NLRP5: variants seen among roughly 807,000 people sequenced by gnomAD.
NLRP5 encodes NLR family pyrin domain containing 5.
NLRP5 carries 93 observed loss-of-function variants against 113.1 expected under a neutral mutation model. That is an observed-to-expected ratio of 0.82 (90% confidence interval 0.70 to 0.98). The LOEUF (loss-of-function observed/expected upper bound fraction) is 0.98, where lower values mean the gene tolerates loss of function less well. Ranked by LOEUF, NLRP5 falls within the 50% of genes least tolerant of loss-of-function variation. The pLI is 0.00. For synonymous variants in NLRP5, 751 were observed against 600.7 expected, an observed-to-expected ratio of 1.25 and a Z score of -3.66; for missense variants, 1,808 against 1,514.3, an observed-to-expected ratio of 1.19 and a Z score of -3.22.
rs752571450 is a variant in NLRP5 at position 56,003,874 on chromosome 19, A to G, written c.221A>G (p.Lys74Arg). ...CAATGGTGTCTCTATGAGCTAGACA[A>G]GGAAGAATTTCAGACATTCAAGGAA... The change falls in exon 2 of 15, where the codon AAG (lysine) becomes AGG (arginine). Residue 74 changes from lysine to arginine, a missense_variant. Transcript: ENST00000390649. 6.2e-6 allele frequency: 10 copies of G among 1,614,018 alleles called. No homozygotes were observed. The highest frequency in any genetic ancestry group is 8.5e-6 in the Non-Finnish European group (10 of 1,179,900).
intron 11 of NLRP5, 60 bp from the exon 12 acceptor site, chr19:56,050,358 C>G: frequency 7.2e-6 from 11 of 1,526,946 alleles, no homozygotes; most frequent in Admixed American, 1.7e-5. Flanking sequence ...CAGCAGCTCA[C>G]TTGAGGCCAT....
At chr19:56,038,289 C>T (rs1433520097) in intron 10 of NLRP5, 94 bp downstream of exon 10, 1 of 1,361,002 alleles carries the variant, frequency 7.3e-7, no homozygotes, top group African/African-American at 1.4e-5. Flanking sequence ...GGGAAATGAG[C>T]AGATGTACAA....
Position 56,033,601 on chromosome 19 carries a change from A to G in NLRP5, c.2507A>G (p.Asn836Ser). The G allele has an allele frequency of 6.2e-7, 1 of 1,613,772 alleles. No individual in the cohort carries two copies. The highest frequency in any genetic ancestry group is 1.1e-5 in the South Asian group (1 of 91,078). The stretch of plus-strand genomic sequence containing the variant: ...CACCTCTGGAGAATCGTCATGGCCA[A>G]CCGTAACCTAAGATCCCTCAACTTG... Residue 836 changes from asparagine to serine, a missense_variant, in exon 9 of 15, where the codon AAC becomes AGC. Coordinates refer to ENST00000390649, the MANE Select transcript of NLRP5 (RefSeq NM_153447.4).
chr19:56,035,235 T>C, intron 9 of NLRP5, among the ~76,000 whole-genome samples: 1 of 152,232 alleles, frequency 6.6e-6, no homozygotes, highest in East Asian at 1.9e-4. Flanking sequence ...GTACAAGCCC[T>C]GCTTTGAGCT....
chr19:56,055,771 T>A (rs1984124696), intron 13 of NLRP5, among the ~76,000 whole-genome samples: 1 of 151,540 alleles, frequency 6.6e-6, no homozygotes, highest in Non-Finnish European at 1.5e-5. Flanking sequence ...GGTCTCAATC[T>A]CCTGACCTCA....
At chr19:55,986,882 G>C in the NLRP5 span, among the ~76,000 whole-genome samples, 1 of 152,144 alleles carries the variant, frequency 6.6e-6, no homozygotes, top group Non-Finnish European at 1.5e-5. Flanking sequence ...CTGCTGATTA[G>C]AACCCGCGTA....
intron 10 of NLRP5, among the ~76,000 whole-genome samples, chr19:56,039,811 G>C (rs986198633): frequency 3.9e-5 from 6 of 152,150 alleles, no homozygotes; most frequent in Non-Finnish European, 7.3e-5. Context: ...CTACTCGGGA[G>C]GCTGAGGCAG....
chr19:56,049,391 G>A (rs1370518763), intron 11 of NLRP5, among the ~76,000 whole-genome samples: 1 of 152,114 alleles, frequency 6.6e-6, no homozygotes, highest in African/African-American at 2.4e-5. Flanking sequence ...ATGTTGGTCA[G>A]GCTGGTATCG....
chr19:56,034,651 TA>T (rs1983245721), intron 9 of NLRP5, among the ~76,000 whole-genome samples: 1 of 152,208 alleles, frequency 6.6e-6, no homozygotes, highest in South Asian at 2.1e-4. Flanking sequence ...ACAATGCTCT[TA>T]AAGTGAAATC....
upstream of NLRP5, among the ~76,000 whole-genome samples, chr19:55,996,195 G>T (rs942535309): frequency 1.3e-5 from 2 of 152,188 alleles, no homozygotes; most frequent in African/African-American, 4.8e-5. Context: ...AGTGGCGGAA[G>T]TGGGCACCCT....
intron 6 of NLRP5, among the ~76,000 whole-genome samples, chr19:56,023,495 G>C (rs898828303): frequency 6.6e-6 from 1 of 152,168 alleles, no homozygotes; most frequent in African/African-American, 2.4e-5. Flanking sequence ...GTTCCAAAAA[G>C]CGAAATCCGA....
chr19:55,993,240 C>T, the NLRP5 span, among the ~76,000 whole-genome samples: 5 of 151,634 alleles, frequency 3.3e-5, no homozygotes, highest in African/African-American at 1.2e-4. Context: ...GTTGTGAACA[C>T]TCTGTCCTCC....
intron 6 of NLRP5, among the ~76,000 whole-genome samples, chr19:56,026,197 G>A (rs955945431): frequency 2.6e-5 from 4 of 152,112 alleles, no homozygotes; most frequent in East Asian, 3.9e-4. Flanking sequence ...ACTGATGCTC[G>A]GTCCAGGGTT....
intron 6 of NLRP5, among the ~76,000 whole-genome samples, chr19:56,026,497 C>T (rs1385458196): frequency 1.7e-5 from 2 of 118,090 alleles, no homozygotes; most frequent in Admixed American, 2.1e-4. Flanking sequence ...CACTGCACTC[C>T]AGCCTGGGTG....
At chr19:55,992,625 A>G in the NLRP5 span, among the ~76,000 whole-genome samples, 1 of 152,154 alleles carries the variant, frequency 6.6e-6, no homozygotes, top group Non-Finnish European at 1.5e-5. Flanking sequence ...TTTGTAAATA[A>G]AGATTTATTG....
At chr19:56,030,711 C>CTTTTTTTTTTTTTTTTTTTTT (rs1251579019) in intron 7 of NLRP5, among the ~76,000 whole-genome samples, 21 of 47,770 alleles carry the variant, frequency 4.4e-4, no homozygotes, top group East Asian at 6.8e-4. Flanking sequence ...TCGCTTTCTT[C>CTTTTTTTTTTTTTTTTTTTTT]TTCTTTTTTT....
intron 14 of NLRP5, 97 bp downstream of exon 14, chr19:56,058,507 T>C (rs1009435614): frequency 6.3e-6 from 7 of 1,109,718 alleles, no homozygotes; most frequent in Non-Finnish European, 9.0e-6. Flanking sequence ...GTTGACGTCA[T>C]ACCTTGGGAG....
At chr19:56,047,127 T>A (rs887999782) in intron 11 of NLRP5, among the ~76,000 whole-genome samples, 1 of 152,214 alleles carries the variant, frequency 6.6e-6, no homozygotes, top group Non-Finnish European at 1.5e-5. Flanking sequence ...TTATTTGGAT[T>A]TTCTCTTCTC....
intron 3 of NLRP5, among the ~76,000 whole-genome samples, chr19:56,010,578 C>T (rs1568484322): frequency 7.1e-6 from 1 of 141,752 alleles, no homozygotes; most frequent in Non-Finnish European, 1.5e-5. Context: ...CACCCCATGT[C>T]TACTAAAAAT....
Sources: allele counts gnomAD v4.1 joint callset (sites outside exome capture counted in the v4.1 genomes callset), GRCh38; gene constraint gnomAD v4.1.1; transcripts MANE v1.5; gene names NCBI Gene and HGNC (gene_info 2026-07-23, HGNC 2026-07-21).